Variants in NPAS3 observed in about 807,000 individuals in gnomAD.
NPAS3 encodes neuronal PAS domain protein 3, also known as neuronal PAS domain-containing protein 3.
In NPAS3, 14 loss-of-function variants were observed where a neutral mutation model predicts 73.1. The ratio of observed to expected loss-of-function variants is 0.19; its 90% CI spans 0.13 to 0.30. The LOEUF (loss-of-function observed/expected upper bound fraction) is 0.30. NPAS3 is among the 10% of genes least tolerant of loss of function. NPAS3 has a pLI of 1.00. For missense variants in NPAS3, 1,096 were observed against 1,250.0 expected (o/e 0.88, Z 1.86); for synonymous variants, 620 against 541.5 (o/e 1.14, Z -2.01).
At chr14:33,308,510 T>TTTTATATATATATATATATATATA (rs374327824) in intron 3 of NPAS3, among the ~76,000 whole-genome samples, 7 of 83,514 alleles carry the variant, frequency 8.4e-5, no homozygotes, top group East Asian at 6.9e-4. Flanking sequence ...ATTGCATAGT[T>TTTTATATATATATATATATATATA]TATATATATA....
intron 1 of NPAS3, among the ~76,000 whole-genome samples, chr14:32,984,036 A>G (rs948801643): frequency 2.0e-5 from 3 of 152,190 alleles, no homozygotes; most frequent in African/African-American, 7.2e-5. Flanking sequence ...AGAATTATTA[A>G]GTATTGTACA....
chr14:33,541,482 G>T (rs1188162531), intron 4 of NPAS3, among the ~76,000 whole-genome samples: 7 of 152,128 alleles, frequency 4.6e-5, no homozygotes, highest in Non-Finnish European at 1.0e-4. Context: ...AAATAGTCAG[G>T]TAATTAAGAT....
chr14:33,599,544 C>A (rs1051204956), intron 5 of NPAS3, among the ~76,000 whole-genome samples: 1 of 152,120 alleles, frequency 6.6e-6, no homozygotes, highest in African/African-American at 2.4e-5. Flanking sequence ...TTTCAGGCAA[C>A]AGATTTAATT....
At chr14:33,453,164 T>A (rs2049879029) in intron 4 of NPAS3, among the ~76,000 whole-genome samples, 1 of 152,140 alleles carries the variant, frequency 6.6e-6, no homozygotes, top group Non-Finnish European at 1.5e-5. Context: ...CGCTGCTCAG[T>A]GAGGTGAAGA....
At chr14:33,725,103 C>T (rs1466861531) in intron 6 of NPAS3, among the ~76,000 whole-genome samples, 1 of 152,054 alleles carries the variant, frequency 6.6e-6, no homozygotes, top group African/African-American at 2.4e-5. Context: ...GCCCCTAGAA[C>T]CCCAACATCC....
chr14:32,959,524 TTTTA>T (rs1349739485), intron 1 of NPAS3, among the ~76,000 whole-genome samples: 7 of 152,184 alleles, frequency 4.6e-5, no homozygotes, highest in Non-Finnish European at 7.4e-5. Flanking sequence ...TATACTTTGA[TTTTA>T]TTTTATTTTT....
intron 2 of NPAS3, among the ~76,000 whole-genome samples, chr14:33,095,689 G>A (rs2042390615): frequency 1.0e-5 from 1 of 100,076 alleles, no homozygotes; most frequent in Admixed American, 9.4e-5. Flanking sequence ...TTTTTTTTGA[G>A]AGGGAGTCTC....
At chr14:33,374,778 A>G (rs752959736) in intron 4 of NPAS3, among the ~76,000 whole-genome samples, 1 of 152,040 alleles carries the variant, frequency 6.6e-6, no homozygotes, top group Non-Finnish European at 1.5e-5. Flanking sequence ...AGAAAATGAA[A>G]GATTGACTAG....
chr14:33,007,843 A>T (rs2039050981), intron 1 of NPAS3, among the ~76,000 whole-genome samples: 1 of 152,202 alleles, frequency 6.6e-6, no homozygotes, highest in Non-Finnish European at 1.5e-5. Context: ...CAATATGTAA[A>T]AGAATGAGTG....
At chr14:32,988,800 T>C (rs2038199697) in intron 1 of NPAS3, among the ~76,000 whole-genome samples, 2 of 152,250 alleles carry the variant, frequency 1.3e-5, no homozygotes. Context: ...TTTATACCCC[T>C]TAAGAAGACC....
intron 1 of NPAS3, among the ~76,000 whole-genome samples, chr14:32,991,314 C>T (rs773703268): frequency 2.0e-5 from 3 of 151,940 alleles, no homozygotes; most frequent in Non-Finnish European, 4.4e-5. Context: ...GGTAATGTCC[C>T]CTAAGACTAC....
chr14:33,035,781 T>C (rs2040145947), intron 1 of NPAS3, among the ~76,000 whole-genome samples: 1 of 152,154 alleles, frequency 6.6e-6, no homozygotes, highest in Non-Finnish European at 1.5e-5. Flanking sequence ...CATTTGTGTT[T>C]TGCCCTCCTT....
intron 2 of NPAS3, among the ~76,000 whole-genome samples, chr14:33,168,348 G>A (rs1274811398): frequency 6.6e-6 from 1 of 152,168 alleles, no homozygotes; most frequent in Non-Finnish European, 1.5e-5. Flanking sequence ...CCCTTGCCTT[G>A]AGGAGCAGAG....
At chr14:33,122,200 C>T (rs559206396) in intron 2 of NPAS3, among the ~76,000 whole-genome samples, 9 of 152,262 alleles carry the variant, frequency 5.9e-5, no homozygotes, top group African/African-American at 2.2e-4. Flanking sequence ...TGCTCTTGTA[C>T]ATTTACACCC....
intron 2 of NPAS3, among the ~76,000 whole-genome samples, chr14:33,117,357 G>A (rs17460823): frequency 0.05 from 7,607 of 152,074 alleles, 272 homozygotes; most frequent in Admixed American, 0.089. Context: ...ACTGACTGCT[G>A]GGAAGCATAC....
chr14:33,196,743 T>C (rs756867312), intron 2 of NPAS3, among the ~76,000 whole-genome samples: 1 of 152,214 alleles, frequency 6.6e-6, no homozygotes, highest in Non-Finnish European at 1.5e-5. Flanking sequence ...TAGACCCAAC[T>C]TGATTTTACA....
At chr14:33,125,761 G>A (rs1200751872) in intron 2 of NPAS3, among the ~76,000 whole-genome samples, 2 of 152,098 alleles carry the variant, frequency 1.3e-5, no homozygotes, top group African/African-American at 4.8e-5. Flanking sequence ...GTAGGAGTTA[G>A]AAGAAAGAAA....
intron 2 of NPAS3, among the ~76,000 whole-genome samples, chr14:33,108,882 T>C (rs1340338398): frequency 6.6e-6 from 1 of 152,122 alleles, no homozygotes; most frequent in African/African-American, 2.4e-5. Context: ...TTTGACACAT[T>C]GAAATATAAA....
At chr14:32,993,462 G>A (rs1434809528) in intron 1 of NPAS3, among the ~76,000 whole-genome samples, 1 of 152,130 alleles carries the variant, frequency 6.6e-6, no homozygotes, top group African/African-American at 2.4e-5. Flanking sequence ...CCTTTGTGTA[G>A]GGACAGAAGA....
Sources: allele counts gnomAD v4.1 joint callset (sites outside exome capture counted in the v4.1 genomes callset), GRCh38; gene constraint gnomAD v4.1.1; transcripts MANE v1.5; gene names NCBI Gene and HGNC (gene_info 2026-07-23, HGNC 2026-07-21).